HNRNPH1: variants seen among roughly 807,000 people sequenced by gnomAD.
The protein encoded by HNRNPH1 is heterogeneous nuclear ribonucleoprotein H.
HNRNPH1 carries 4 observed loss-of-function variants against 58.6 expected under a neutral mutation model. The observed-to-expected ratio is 0.07, with a 90% CI of 0.03 to 0.16. The LOEUF (loss-of-function observed/expected upper bound fraction) is 0.16, where lower values mean the gene tolerates loss of function less well. Among genes scored for constraint, HNRNPH1 ranks in the 10% least tolerant of loss-of-function variants. HNRNPH1 has a pLI of 1.00. For synonymous variants in HNRNPH1, 192 were observed against 189.2 expected (o/e 1.01, Z -0.12); for missense variants, 271 against 564.2 (o/e 0.48, Z 5.26).
At chr5:179,625,801 G>A (rs375213916), upstream of HNRNPH1, among the ~76,000 whole-genome samples, 20 of 151,916 alleles carry the variant, frequency 1.3e-4, no homozygotes, top group East Asian at 2.9e-3. Context: ...TTGAGACACA[G>A]CCCGTCACCC....
chr5:179,615,015 A>T, intron 12 of HNRNPH1, 56 bp from the exon 14 acceptor site: 1 of 1,040,594 alleles, frequency 9.6e-7, no homozygotes, highest in Non-Finnish European at 1.5e-6. Flanking sequence ...CAGTCAAATA[A>T]AATATAGTAT....
intron 12 of HNRNPH1, 33 bp from the exon 14 acceptor site, chr5:179,614,992 A>C: frequency 8.4e-7 from 1 of 1,188,458 alleles, no homozygotes; most frequent in Non-Finnish European, 1.2e-6. Context: ...AGTTAGGAGT[A>C]ATATCAGACT....
chr5:179,614,649 C>T, exon 13 of HNRNPH1: 1 of 453,158 alleles, frequency 2.2e-6, no homozygotes, highest in Non-Finnish European at 4.0e-6. Context: ...CTCAGCTTCA[C>T]TGTTACATCC....
chr5:179,619,121 G>T, intron 4 of HNRNPH1, 148 bp downstream of exon 5: 2 of 680,146 alleles, frequency 2.9e-6, no homozygotes, highest in Non-Finnish European at 2.4e-6. Flanking sequence ...TGCGTGTAAC[G>T]TGGGACTGAC....
exon 1 of HNRNPH1, chr5:179,624,456 C>T: frequency 2.5e-6 from 1 of 398,500 alleles, no homozygotes; most frequent in Non-Finnish European, 4.4e-6. Flanking sequence ...CTTGACTGCC[C>T]TGGGGCCCTG....
chr5:179,625,619 A>G (rs1414821170), upstream of HNRNPH1, among the ~76,000 whole-genome samples: 1 of 150,486 alleles, frequency 6.6e-6, no homozygotes, highest in Non-Finnish European at 1.5e-5. Flanking sequence ...AGATCACGCC[A>G]TTGCACTCCA....
At chr5:179,624,349 G>A (rs944530333) in exon 1 of HNRNPH1, 3 of 395,712 alleles carry the variant, frequency 7.6e-6, no homozygotes, top group Non-Finnish European at 8.9e-6. Context: ...CCCGGTCGGC[G>A]CGAGGTTTCC....
rs764195917 is a variant in HNRNPH1, at chr5:179,617,943, A to G, written c.788-11T>C. 1 of 1,614,128 alleles carries G rather than the reference A, an allele frequency of 6.2e-7. No homozygotes were observed. Among genetic ancestry groups the G allele is most frequent in the Non-Finnish European group, 8.5e-7 (1 of 1,179,936 alleles). ...AACAGTAATTGAGGTCTAGATGGAC[A>G]AGAGTGTAAGCATCCTTCAACTGAG... On this transcript the variant is annotated splice_polypyrimidine_tract_variant and intron_variant, in intron 6 of 12. Coordinates refer to ENST00000356731, the Ensembl canonical transcript of HNRNPH1.
chr5:179,617,156 A>T (rs762217446), intron 8 of HNRNPH1, 46 bp from the exon 10 acceptor site: 1 of 1,563,816 alleles, frequency 6.4e-7, no homozygotes, highest in African/African-American at 1.4e-5. Context: ...TGGTGAAACA[A>T]AACAGAATAA....
At chr5:179,619,789 C>CT (rs1240658356) in intron 3 of HNRNPH1, 7 of 154,214 alleles carry the variant, frequency 4.5e-5, no homozygotes, top group South Asian at 2.1e-4. Context: ...TATTTCAATG[C>CT]TTTAAGTTAT....
In HNRNPH1 at chr5:179,630,779, C is replaced by T. The variant is rs536477465; in HGVS notation, c.-32+3286G>A. ...ACAAAAAATCAGCTGGGTGTGGTGA[C>T]GGGCGCCTGTAGTCCCAGCTACTCA... On this transcript the variant is annotated intron_variant, in intron 2 of 4. Coordinates refer to the HNRNPH1 transcript ENST00000521116. Among the ~76,000 whole-genome samples, 4 of 151,964 alleles carry T rather than the reference C, an allele frequency of 2.6e-5. No homozygotes were observed. The South Asian group carries it at 6.2e-4, about 24-fold the overall frequency.
chr5:179,615,693 A>C (rs1769192995), intron 11 of HNRNPH1, 98 bp from the exon 13 acceptor site: 2 of 626,840 alleles, frequency 3.2e-6, no homozygotes, highest in Non-Finnish European at 5.7e-6. Flanking sequence ...AGGTTAACTG[A>C]CTAATAAATA....
At chr5:179,634,058 G>T (rs886146043) in intron 2 of HNRNPH1, 8 of 151,548 alleles carry the variant, frequency 5.3e-5, no homozygotes, top group African/African-American at 1.7e-4. Flanking sequence ...AGGCCCCCTG[G>T]GCTCACCTTT....
chr5:179,617,631 G>T, exon 8 of HNRNPH1: 1 of 1,613,122 alleles, frequency 6.2e-7, no homozygotes, highest in Non-Finnish European at 8.5e-7. Flanking sequence ...ACTCTCACAG[G>T]GTTGAGCGGT....
chr5:179,615,589 A>T, exon 12 of HNRNPH1: 1 of 1,561,928 alleles, frequency 6.4e-7, no homozygotes, highest in Non-Finnish European at 8.8e-7. Flanking sequence ...TTCCTGTAAA[A>T]CTTGGTCTGC....
intron 10 of HNRNPH1, 53 bp from the exon 12 acceptor site, chr5:179,616,271 G>C (rs376522589): frequency 1.0e-4 from 134 of 1,306,010 alleles, no homozygotes; most frequent in Admixed American, 9.6e-4. Context: ...TGTGGTACCT[G>C]GTGGTACCGG....
At chr5:179,626,189 T>C (rs1774378607), upstream of HNRNPH1, among the ~76,000 whole-genome samples, 1 of 151,936 alleles carries the variant, frequency 6.6e-6, no homozygotes, top group Admixed American at 6.6e-5. Context: ...CTGCAACCTC[T>C]GCCTCCTAGG....
At chr5:179,628,280 C>T (rs1774547916), upstream of HNRNPH1, among the ~76,000 whole-genome samples, 1 of 152,184 alleles carries the variant, frequency 6.6e-6, no homozygotes, top group Admixed American at 6.6e-5. Flanking sequence ...ATTTGTAAGA[C>T]ACATTTTGTA....
At chr5:179,632,631 T>G (rs1182359827) in intron 2 of HNRNPH1, among the ~76,000 whole-genome samples, 3 of 152,182 alleles carry the variant, frequency 2.0e-5, no homozygotes, top group African/African-American at 7.2e-5. Flanking sequence ...GCACGCCCTC[T>G]CCGGTTCACG....
Sources: allele counts gnomAD v4.1 joint callset (sites outside exome capture counted in the v4.1 genomes callset), GRCh38; gene constraint gnomAD v4.1.1; transcripts MANE v1.5; gene names NCBI Gene and HGNC (gene_info 2026-07-23, HGNC 2026-07-21).